The following GCNT1 variants were observed in gnomAD, a reference collection of about 807,000 sequenced individuals.
GCNT1 encodes glucosaminyl (N-acetyl) transferase 1, also known as beta-1,3-galactosyl-O-glycosyl-glycoprotein beta-1,6-N-acetylglucosaminyltransferase.
Under a neutral mutation model 26.2 loss-of-function variants are expected in GCNT1, and 16 were observed. The ratio of observed to expected loss-of-function variants is 0.61; its 90% confidence interval spans 0.41 to 0.93. The LOEUF is 0.93. Among genes scored for constraint, GCNT1 ranks in the 40% least tolerant of loss-of-function variants. The probability of loss-of-function intolerance (pLI) is 0.00; values close to 1 mark genes in which losing one functional copy is unlikely to be tolerated. For synonymous variants in GCNT1, 183 were observed against 190.8 expected (o/e 0.96, Z 0.34); for missense variants, 477 against 526.7 (o/e 0.91, Z 0.92).
the GCNT1 span, among the ~76,000 whole-genome samples, chr9:76,413,667 T>TTTTTTTTTTTTTTTTTTG: frequency 1.1e-5 from 1 of 91,734 alleles, no homozygotes; most frequent in African/African-American, 5.0e-5. Context: ...TTTTTTTTTT[T>TTTTTTTTTTTTTTTTTTG]GTTTTTTTTT....
chr9:76,499,273 A>G (rs1308355031), intron 2 of GCNT1, among the ~76,000 whole-genome samples: 1 of 152,016 alleles, frequency 6.6e-6, no homozygotes, highest in Non-Finnish European at 1.5e-5. Flanking sequence ...GATTACAGGC[A>G]TGCACCACTA....
the GCNT1 span, among the ~76,000 whole-genome samples, chr9:76,410,546 G>A: frequency 6.6e-6 from 1 of 152,104 alleles, no homozygotes; most frequent in African/African-American, 2.4e-5. Flanking sequence ...CAGCCCAGGA[G>A]TTCAAGACTA....
the GCNT1 span, among the ~76,000 whole-genome samples, chr9:76,407,307 T>A: frequency 4.6e-3 from 700 of 152,244 alleles, 4 homozygotes; most frequent in African/African-American, 0.016. Context: ...AAAGTCTATG[T>A]CTAGATTCTT....
the GCNT1 span, among the ~76,000 whole-genome samples, chr9:76,405,567 C>A: frequency 0.031 from 4,714 of 152,284 alleles, 97 homozygotes; most frequent in Non-Finnish European, 0.048. Context: ...ACCCCTAATC[C>A]TTGACAACCA....
intron 2 of GCNT1, among the ~76,000 whole-genome samples, chr9:76,461,476 C>G (rs181233926): frequency 6.6e-6 from 1 of 151,464 alleles, no homozygotes; most frequent in Non-Finnish European, 1.5e-5. Context: ...CCCAGCTACT[C>G]GGGAGGCTGA....
the GCNT1 span, among the ~76,000 whole-genome samples, chr9:76,410,776 TAGAG>T: frequency 2.0e-5 from 3 of 152,330 alleles, no homozygotes; most frequent in East Asian, 5.8e-4. Flanking sequence ...TGAGTTCTGT[TAGAG>T]AGATACTGTA....
chr9:76,447,669 GC>G (rs1823599258), intron 1 of GCNT1, among the ~76,000 whole-genome samples: 2 of 152,098 alleles, frequency 1.3e-5, no homozygotes, highest in African/African-American at 2.4e-5. Flanking sequence ...ACCAGAGGGG[GC>G]CTCTGCCACA....
chr9:76,402,919 C>T, the GCNT1 span, among the ~76,000 whole-genome samples: 27 of 152,170 alleles, frequency 1.8e-4, no homozygotes, highest in Non-Finnish European at 3.2e-4. Flanking sequence ...ACCTTGTGAT[C>T]TGCCTGCCTC....
At chr9:76,459,530 G>T (rs1481031501) in intron 1 of GCNT1, among the ~76,000 whole-genome samples, 2 of 152,202 alleles carry the variant, frequency 1.3e-5, no homozygotes, top group African/African-American at 4.8e-5. Flanking sequence ...GGGCTGGGAC[G>T]CCGGTGCCCC....
At chr9:76,500,627 A>T (rs1326093330) in intron 2 of GCNT1, among the ~76,000 whole-genome samples, 2 of 152,162 alleles carry the variant, frequency 1.3e-5, no homozygotes, top group African/African-American at 4.8e-5. Context: ...ATCATACTGG[A>T]CTGTTAAACT....
chr9:76,406,311 TAGTG>T, the GCNT1 span, among the ~76,000 whole-genome samples: 2 of 151,252 alleles, frequency 1.3e-5, no homozygotes, highest in Non-Finnish European at 3.0e-5. Flanking sequence ...CTGGGCAACA[TAGTG>T]AGACCCTTTA....
intron 2 of GCNT1, among the ~76,000 whole-genome samples, chr9:76,476,223 A>G (rs956624935): frequency 6.6e-6 from 1 of 152,198 alleles, no homozygotes; most frequent in Non-Finnish European, 1.5e-5. Flanking sequence ...TAGGAGGCTC[A>G]AGTACTTAAA....
At chr9:76,420,785 A>T (rs1823179541) in intron 1 of GCNT1, among the ~76,000 whole-genome samples, 1 of 152,008 alleles carries the variant, frequency 6.6e-6, no homozygotes, top group Non-Finnish European at 1.5e-5. Context: ...AATAATTTTA[A>T]AAAAATAGCC....
intron 2 of GCNT1, among the ~76,000 whole-genome samples, chr9:76,493,674 TAGGA>T (rs2131633751): frequency 6.6e-6 from 1 of 152,194 alleles, no homozygotes; most frequent in South Asian, 2.1e-4. Flanking sequence ...TCATCATTAA[TAGGA>T]AGGAGAGCTA....
At chr9:76,415,257 A>G (rs1042579855), upstream of GCNT1, among the ~76,000 whole-genome samples, 4 of 152,082 alleles carry the variant, frequency 2.6e-5, no homozygotes, top group African/African-American at 9.7e-5. Flanking sequence ...GAGTTTCACC[A>G]TGTTGCTCAG....
At chr9:76,477,153 G>A (rs1017693038) in intron 2 of GCNT1, among the ~76,000 whole-genome samples, 2 of 151,598 alleles carry the variant, frequency 1.3e-5, no homozygotes, top group East Asian at 4.0e-4. Context: ...TGCCTCATGT[G>A]ATCTGCCTGC....
chr9:76,420,624 A>T (rs2131569857), intron 1 of GCNT1: 2 of 152,204 alleles, frequency 1.3e-5, no homozygotes, highest in South Asian at 4.2e-4. Context: ...TGCTACATAG[A>T]TTGAGAATAT....
At chr9:76,494,003 G>A (rs888047843) in intron 2 of GCNT1, among the ~76,000 whole-genome samples, 4 of 152,010 alleles carry the variant, frequency 2.6e-5, no homozygotes, top group Non-Finnish European at 5.9e-5. Context: ...CATTTCAAGG[G>A]TGAGCCTGTT....
rs76643383 is a variant in GCNT1 at position 76,500,731 on chromosome 9, A to G, written c.-289-185A>G. ...GGTGTTTTCAAATCTTTAGCAATCCACAAACATAGAATTAGAAAAATAAGT... is the reference window on the plus strand; with the variant it reads ...GGTGTTTTCAAATCTTTAGCAATCCGCAAACATAGAATTAGAAAAATAAGT... On this transcript the variant is annotated intron_variant, in intron 2 of 3. Transcript: ENST00000376730. 1.5e-3 allele frequency among the ~76,000 whole-genome samples: 235 copies of G among 152,358 alleles called. 1 individual carries two copies. Among genetic ancestry groups the G allele is most frequent in the African/African-American group, 5.3e-3 (221 of 41,578 alleles).
Sources: gnomAD v4.1 joint callset for allele counts (sites outside exome capture counted in the v4.1 genomes callset) on GRCh38, gnomAD v4.1.1 for gene constraint, MANE v1.5 for transcripts, NCBI Gene and HGNC (gene_info 2026-07-23, HGNC 2026-07-21) for gene names.